NXN: variants seen among roughly 807,000 people sequenced by gnomAD.
NXN encodes the protein nucleoredoxin.
A neutral mutation model predicts 48.6 loss-of-function variants in NXN; 16 were observed. That is an observed-to-expected ratio of 0.33 (90% CI 0.22 to 0.50). The LOEUF (loss-of-function observed/expected upper bound fraction) is 0.50, where lower values mean the gene tolerates loss of function less well. Ranked by LOEUF, NXN falls within the 20% of genes least tolerant of loss-of-function variation. The pLI, the probability that NXN is intolerant of heterozygous loss-of-function variation, is 0.98. For synonymous variants in NXN, 281 were observed against 269.6 expected (o/e 1.04, Z -0.41); for missense variants, 492 against 605.5 (o/e 0.81, Z 1.97).
At chr17:841,609 C>CGG in intron 1 of NXN, among the ~76,000 whole-genome samples, 1 of 112,142 alleles carries the variant, frequency 8.9e-6, no homozygotes, top group South Asian at 2.8e-4. Context: ...CCCCCGACCA[C>CGG]AGAGCATCTC....
chr17:961,684 C>G (rs1412614049), intron 1 of NXN, among the ~76,000 whole-genome samples: 2 of 152,234 alleles, frequency 1.3e-5, no homozygotes, highest in Admixed American at 6.5e-5. Flanking sequence ...TTAGGGCTCA[C>G]TGAATCTTTG....
rs529715130 is a variant in NXN, at chr17:977,354, A to T, written c.360+1965T>A. On this transcript the variant is annotated intron_variant, in intron 1 of 7. Transcript: ENST00000336868. ...ACTCTCAACGGTATTTTCAAATGAG[A>T]GTCTGCCCTGTGTCATCCAGGTTCT... 6.6e-5 allele frequency among the ~76,000 whole-genome samples: 10 copies of T among 152,340 alleles called. No homozygotes were observed. The East Asian group carries it at 1.9e-3, about 29-fold the overall frequency.
chr17:891,865 A>C (rs2068423432), intron 1 of NXN, among the ~76,000 whole-genome samples: 1 of 125,196 alleles, frequency 8.0e-6, no homozygotes, highest in South Asian at 3.3e-4. Context: ...CCCAACAGGG[A>C]ACCTAAACTA....
At chr17:880,603 G>A (rs1292538538) in intron 1 of NXN, among the ~76,000 whole-genome samples, 2 of 152,024 alleles carry the variant, frequency 1.3e-5, no homozygotes, top group African/African-American at 2.4e-5. Context: ...TTATTTTTCT[G>A]ATTAAAGCCA....
At chr17:835,275 T>C (rs1290369494) in intron 1 of NXN, among the ~76,000 whole-genome samples, 1 of 144,244 alleles carries the variant, frequency 6.9e-6, no homozygotes, top group Non-Finnish European at 1.5e-5. Context: ...GCCACTGCAC[T>C]CCAGCCTGGA....
intron 1 of NXN, among the ~76,000 whole-genome samples, chr17:836,726 T>C (rs1243361881): frequency 6.6e-6 from 1 of 152,196 alleles, no homozygotes; most frequent in African/African-American, 2.4e-5. Flanking sequence ...CTCACTGAAC[T>C]GCTGTGAACA....
chr17:847,804 T>G (rs538743522), intron 1 of NXN, among the ~76,000 whole-genome samples: 1 of 152,274 alleles, frequency 6.6e-6, no homozygotes, highest in East Asian at 1.9e-4. Context: ...GTGGAAAAGA[T>G]GAAATTCAAG....
intron 1 of NXN, among the ~76,000 whole-genome samples, chr17:832,136 A>G (rs142418487): frequency 3.3e-5 from 5 of 151,606 alleles, no homozygotes; most frequent in Non-Finnish European, 5.9e-5. Context: ...AAGCACCCCT[A>G]TTACCCTTCA....
At chr17:975,702 T>A (rs567059644) in intron 1 of NXN, among the ~76,000 whole-genome samples, 1 of 152,246 alleles carries the variant, frequency 6.6e-6, no homozygotes, top group Admixed American at 6.5e-5. Flanking sequence ...CATATGTTTT[T>A]GATCAGGCAT....
chr17:862,020 G>A (rs1046738218), intron 1 of NXN, among the ~76,000 whole-genome samples: 3 of 152,118 alleles, frequency 2.0e-5, no homozygotes, highest in South Asian at 2.1e-4. Context: ...TGATGGAGAC[G>A]GGGTTTCACC....
At chr17:944,591 T>G (rs940493756) in intron 1 of NXN, among the ~76,000 whole-genome samples, 2 of 152,194 alleles carry the variant, frequency 1.3e-5, no homozygotes, top group Non-Finnish European at 2.9e-5. Flanking sequence ...AGCCCTTTTT[T>G]CCTCTCATCT....
intron 1 of NXN, among the ~76,000 whole-genome samples, chr17:934,044 G>C (rs1036588264): frequency 7.9e-5 from 12 of 152,180 alleles, no homozygotes; most frequent in African/African-American, 2.9e-4. Flanking sequence ...TTTTAAAAAG[G>C]CATTTTATTT....
chr17:846,381 C>T (rs2067860739), intron 1 of NXN, among the ~76,000 whole-genome samples: 1 of 137,356 alleles, frequency 7.3e-6, no homozygotes, highest in African/African-American at 2.8e-5. Flanking sequence ...CGTGCCACTG[C>T]ACTCCAGCCT....
chr17:820,611 C>CA lies in NXN; in HGVS notation c.714-1067dup, dbSNP rs750581539. 5.5e-3 allele frequency among the ~76,000 whole-genome samples: 80 copies of CA among 14,632 alleles called. 4 individuals carry two copies. Among genetic ancestry groups the CA allele is most frequent in the South Asian group, 0.015 (6 of 410 alleles). The allele number at this position is 14,632 out of a possible 152,430, so 9.6% of individuals were successfully genotyped here. On this transcript the variant is annotated intron_variant, in intron 4 of 7. Transcript: ENST00000336868. ...CGGGCGACAGAGCGAGACTCTGTCT[C>CA]AAAAAAAAAAAAAAAAAAAAAAGTG...
At chr17:810,615 C>T (rs373340213) in intron 5 of NXN, among the ~76,000 whole-genome samples, 12 of 152,186 alleles carry the variant, frequency 7.9e-5, no homozygotes, top group African/African-American at 2.9e-4. Flanking sequence ...AGGAGCCGGG[C>T]ACGGTGGCTC....
At chr17:957,877 T>C (rs2069189496) in intron 1 of NXN, among the ~76,000 whole-genome samples, 1 of 152,042 alleles carries the variant, frequency 6.6e-6, no homozygotes, top group South Asian at 2.1e-4. Context: ...AGCTTCTCAG[T>C]CTTCACACAG....
At chr17:930,389 C>G (rs1220456034) in intron 1 of NXN, 1 of 151,798 alleles carries the variant, frequency 6.6e-6, no homozygotes, top group African/African-American at 2.4e-5. Context: ...GAGTTGAGAT[C>G]GTGCCATTGC....
chr17:808,105 C>T (rs1050481355), intron 5 of NXN, among the ~76,000 whole-genome samples: 3 of 152,136 alleles, frequency 2.0e-5, no homozygotes, highest in Non-Finnish European at 4.4e-5. Context: ...AGGCCGTGGA[C>T]GCTTCTGGGG....
intron 5 of NXN, among the ~76,000 whole-genome samples, chr17:806,906 T>TCACACACACTCACATA (rs1567808729): frequency 6.8e-6 from 1 of 146,092 alleles, no homozygotes; most frequent in Non-Finnish European, 1.5e-5. Flanking sequence ...CACTCCGACA[T>TCACACACACTCACATA]CACACACACT....
Sources: allele counts gnomAD v4.1 joint callset (sites outside exome capture counted in the v4.1 genomes callset), GRCh38; gene constraint gnomAD v4.1.1; transcripts MANE v1.5; gene names NCBI Gene and HGNC (gene_info 2026-07-23, HGNC 2026-07-21).